ESYT2: variants seen among roughly 807,000 people sequenced by gnomAD.
ESYT2 encodes the protein extended synaptotagmin-2.
In ESYT2, 54 loss-of-function variants were observed where a neutral mutation model predicts 107.2. That is an observed-to-expected ratio of 0.50 (90% CI 0.40 to 0.63). The LOEUF (loss-of-function observed/expected upper bound fraction) is 0.63. Ranked by LOEUF, ESYT2 falls within the 30% of genes least tolerant of loss-of-function variation. The pLI, the probability that ESYT2 is intolerant of heterozygous loss-of-function variation, is 0.00. For missense variants in ESYT2, 1,020 were observed against 1,094.5 expected (o/e 0.93, Z 0.96); for synonymous variants, 491 against 434.1 (o/e 1.13, Z -1.63).
At chr7:158,829,007 G>C in intron 1 of ESYT2, 82 bp downstream of exon 1, 1 of 1,512,970 alleles carries the variant, frequency 6.6e-7, no homozygotes. Flanking sequence ...GCGGCAGGTC[G>C]CGGGGAGGGG....
chr7:158,734,071 A>G lies in ESYT2; in HGVS notation c.*136T>C. ...GGCCAAATTTGCCTGAAATGTCAAC[A>G]ATTTTATAAAACTATTAAGGTATGT... is the stretch of plus-strand genomic sequence containing the variant. On this transcript the variant is annotated 3_prime_UTR_variant, in exon 23 of 23. Transcript: ENST00000275418. The G allele has an allele frequency of 1.8e-6, 2 of 1,107,932 alleles. No individual in the cohort carries two copies. Among genetic ancestry groups the G allele is most frequent in the South Asian group, 3.2e-5 (2 of 61,816 alleles). 68.6% of individuals were successfully genotyped at this position (1,107,932 alleles called of 1,614,324 possible).
At chr7:158,756,356 G>A (rs555032521) in intron 13 of ESYT2, among the ~76,000 whole-genome samples, 95 of 152,336 alleles carry the variant, frequency 6.2e-4, no homozygotes, top group Middle Eastern at 6.8e-3. Flanking sequence ...AACATATGAT[G>A]AGATGGGAAC....
At position 158,741,556 on chromosome 7, in the gene ESYT2, T is replaced by C. The variant is rs1235290797; in HGVS notation, c.2135A>G (p.Gln712Arg). 6.2e-7 allele frequency: 1 copy of C among 1,600,384 alleles called. No homozygotes were observed. Among genetic ancestry groups the C allele is most frequent in the African/African-American group, 1.3e-5 (1 of 74,748 alleles). ...ASDISLPIATQELRQRLRQLE... is the reference protein window; with the variant it reads ...ASDISLPIATRELRQRLRQLE... ...CTGCCTCAGCCTTTGCCGCAGCTCC[T>C]GGGTGGCGATGGGCAGCGAGATGTC... The change falls in exon 18 of 23, where the codon CAG becomes CGG. Residue 712 changes from glutamine (Q) to arginine (R), a missense_variant. By Grantham distance (43) the Gln-to-Arg change is conservative. Transcript: ENST00000275418.
chr7:158,792,763 G>GTT (rs1563023556), intron 4 of ESYT2, among the ~76,000 whole-genome samples: 61 of 134,072 alleles, frequency 4.5e-4, no homozygotes, highest in African/African-American at 1.8e-3. Context: ...TATAACGTGG[G>GTT]GTTTTTTTTT....
chr7:158,827,940 C>G (rs1216554640), intron 1 of ESYT2, among the ~76,000 whole-genome samples: 5 of 152,154 alleles, frequency 3.3e-5, no homozygotes, highest in Non-Finnish European at 7.3e-5. Context: ...TTGAAGCCAA[C>G]TCTTCGTGTC....
At chr7:158,782,136 CAAGT>C (rs1336172473) in intron 6 of ESYT2, among the ~76,000 whole-genome samples, 2 of 18,316 alleles carry the variant, frequency 1.1e-4, no homozygotes, top group East Asian at 2.0e-3. Context: ...AGAACGAGAA[CAAGT>C]GAGTGAACAA....
chr7:158,795,791 T>G (rs1363142742), intron 3 of ESYT2, among the ~76,000 whole-genome samples: 2 of 152,258 alleles, frequency 1.3e-5, no homozygotes, highest in African/African-American at 4.8e-5. Context: ...GCGTCCCGTG[T>G]AGAGACATGG....
intron 1 of ESYT2, among the ~76,000 whole-genome samples, chr7:158,822,651 A>G (rs1182141410): frequency 6.6e-6 from 1 of 152,050 alleles, no homozygotes; most frequent in Non-Finnish European, 1.5e-5. Flanking sequence ...AAATAAAAAT[A>G]AAGTAATATT....
chr7:158,741,979 C>T, intron 17 of ESYT2, 83 bp from the exon 18 acceptor site: 1 of 1,438,052 alleles, frequency 7.0e-7, no homozygotes. Flanking sequence ...ATGTCTTTAC[C>T]TGCAAAAATT....
chr7:158,746,819 C>T (rs1284052991), intron 16 of ESYT2, among the ~76,000 whole-genome samples: 5 of 152,078 alleles, frequency 3.3e-5, no homozygotes, highest in Non-Finnish European at 7.4e-5. Context: ...CATCGCTGCT[C>T]GAGCCCAGGA....
Position 158,767,707 on chromosome 7 carries a change from C to T in ESYT2, c.871G>A (p.Val291Ile), listed in dbSNP as rs373194637. ...ATTTGAACTTCACTGACAAGTGGAA[C>T]GGTGATTCGATTGGGAAGCACCAGA... ...NYLVLPNRITVPLVSEVQIAQ... is the reference protein window; with the variant it reads ...NYLVLPNRITIPLVSEVQIAQ... Residue 291 changes from valine (V) to isoleucine (I), a missense_variant, in exon 8 of 23, where the codon GTT becomes ATT. Val to Ile is a conservative substitution (Grantham distance 29). Transcript: ENST00000275418. 1.4e-5 allele frequency: 22 copies of T among 1,612,930 alleles called. No individual in the cohort carries two copies. Among genetic ancestry groups the T allele is most frequent in the African/African-American group, 9.3e-5 (7 of 74,880 alleles).
At chr7:158,797,802 C>CA in intron 3 of ESYT2, 140 bp downstream of exon 3, 1 of 1,146,094 alleles carries the variant, frequency 8.7e-7, no homozygotes, top group South Asian at 1.6e-5. Flanking sequence ...TGCAGTGAGC[C>CA]AAGATAGTGC....
chr7:158,814,786 G>A (rs769406074), intron 1 of ESYT2, among the ~76,000 whole-genome samples: 11 of 152,208 alleles, frequency 7.2e-5, no homozygotes, highest in Non-Finnish European at 1.2e-4. Context: ...ATGGCCAGGC[G>A]GGTACACCTG....
chr7:158,788,899 C>T (rs1195042049), intron 4 of ESYT2, among the ~76,000 whole-genome samples: 1 of 152,194 alleles, frequency 6.6e-6, no homozygotes, highest in African/African-American at 2.4e-5. Context: ...GCCTCTATAA[C>T]ATCAAAGACT....
At chr7:158,814,890 A>C (rs115435689) in intron 1 of ESYT2, among the ~76,000 whole-genome samples, 462 of 152,268 alleles carry the variant, frequency 3.0e-3, no homozygotes, top group African/African-American at 0.011. Context: ...TGTAAAAATG[A>C]CTAGATTAGA....
Position 158,741,563 on chromosome 7 carries a change from C to T in ESYT2, c.2128G>A (p.Ala710Thr), listed in dbSNP as rs781060682. 18 of 1,602,422 alleles carry T rather than the reference C, an allele frequency of 1.1e-5. No homozygotes were observed. Among genetic ancestry groups the T allele is most frequent in the East Asian group, 2.2e-5 (1 of 44,830 alleles). The change falls in exon 18 of 23, where the codon GCC (alanine) becomes ACC (threonine). Residue 710 changes from alanine to threonine, a missense_variant. Coordinates refer to ENST00000275418, the MANE Select transcript of ESYT2 (RefSeq NM_001367773.1). The part of the protein sequence containing the change: ...SIASDISLPI[A>T]TQELRQRLRQ... ...AGCCTTTGCCGCAGCTCCTGGGTGG[C>T]GATGGGCAGCGAGATGTCCGAGGCG... is the stretch of plus-strand genomic sequence containing the variant.
chr7:158,786,108 C>T (rs1030020288), intron 6 of ESYT2, among the ~76,000 whole-genome samples: 4 of 151,980 alleles, frequency 2.6e-5, no homozygotes, highest in Admixed American at 6.6e-5. Flanking sequence ...CTCTGAACTT[C>T]TCAGCCCCAT....
chr7:158,803,046 T>C (rs112912482), intron 1 of ESYT2, among the ~76,000 whole-genome samples: 1 of 152,260 alleles, frequency 6.6e-6, no homozygotes, highest in African/African-American at 2.4e-5. Flanking sequence ...GAAGAATTCT[T>C]TCCCTCTCTT....
chr7:158,808,030 G>T (rs1013177928), intron 1 of ESYT2, among the ~76,000 whole-genome samples: 3 of 152,152 alleles, frequency 2.0e-5, no homozygotes, highest in African/African-American at 7.2e-5. Context: ...AAAAATGTCT[G>T]CCAAACATTC....
Sources: gnomAD v4.1 joint callset for allele counts (sites outside exome capture counted in the v4.1 genomes callset) on GRCh38, gnomAD v4.1.1 for gene constraint, MANE v1.5 for transcripts, NCBI Gene and HGNC (gene_info 2026-07-23, HGNC 2026-07-21) for gene names.